NALCN: variants seen among roughly 807,000 people sequenced by gnomAD.
NALCN encodes the protein sodium leak channel, non-selective.
In NALCN, 111 loss-of-function variants were observed where a neutral mutation model predicts 225.3. The observed-to-expected ratio is 0.49, with a 90% CI of 0.42 to 0.58. The LOEUF (loss-of-function observed/expected upper bound fraction) is 0.58, where lower values mean the gene tolerates loss of function less well. NALCN is among the 20% of genes least tolerant of loss of function. NALCN has a pLI of 0.00. For synonymous variants in NALCN, 764 were observed against 769.0 expected (o/e 0.99, Z 0.11); for missense variants, 1,378 against 2,202.4 (o/e 0.63, Z 7.49).
chr13:101,278,768 G>A (rs929066042), intron 10 of NALCN, among the ~76,000 whole-genome samples: 2 of 152,128 alleles, frequency 1.3e-5, no homozygotes, highest in Non-Finnish European at 2.9e-5. Context: ...CCTCTGCGAG[G>A]CACTTTCTGG....
chr13:101,380,611 C>G (rs2046821733), intron 3 of NALCN, among the ~76,000 whole-genome samples: 1 of 152,028 alleles, frequency 6.6e-6, no homozygotes, highest in Non-Finnish European at 1.5e-5. Context: ...AATAAAATGT[C>G]AAGATTTCAA....
rs755963553 is a variant in NALCN at position 101,124,565 on chromosome 13, T to A, written c.2192+43A>T. The A allele has an allele frequency of 1.3e-5, 19 of 1,518,460 alleles. No homozygotes were observed. The Admixed American group carries it at 3.3e-4, about 26-fold the overall frequency. The allele number at this position is 1,518,460 out of a possible 1,614,324, so 94.1% of individuals were successfully genotyped here. A position where few individuals can be genotyped will look rare whatever the true frequency, so the allele number is the denominator to read the frequency against. On this transcript the variant is annotated intron_variant, in intron 18 of 43. Transcript: ENST00000251127. ...AAAAGCTATTTTTCGATTAATATAA[T>A]CCCACTTGTGTTTAAATATGTGTCA... is the stretch of plus-strand genomic sequence containing the variant.
At chr13:101,185,548 A>C (rs2039413725) in intron 14 of NALCN, among the ~76,000 whole-genome samples, 2 of 152,254 alleles carry the variant, frequency 1.3e-5, no homozygotes, top group Admixed American at 1.3e-4. Context: ...AGATGAATTT[A>C]ACAAGCATTC....
intron 26 of NALCN, among the ~76,000 whole-genome samples, chr13:101,102,969 G>A (rs535024072): frequency 6.6e-6 from 1 of 152,278 alleles, no homozygotes. Flanking sequence ...TTCTCTTTAG[G>A]TGAATTAAAT....
intron 17 of NALCN, among the ~76,000 whole-genome samples, chr13:101,129,137 T>C (rs1409771160): frequency 6.6e-6 from 1 of 152,206 alleles, no homozygotes; most frequent in African/African-American, 2.4e-5. Flanking sequence ...CTTTTTCATT[T>C]ATTAGTTGGG....
At chr13:101,182,838 G>C (rs986511137) in intron 14 of NALCN, among the ~76,000 whole-genome samples, 1 of 144,964 alleles carries the variant, frequency 6.9e-6, no homozygotes, top group South Asian at 2.1e-4. Context: ...ATGACTTTGC[G>C]GTTCTTTTCT....
chr13:101,213,017 G>T (rs1339803192), intron 13 of NALCN, among the ~76,000 whole-genome samples: 1 of 152,124 alleles, frequency 6.6e-6, no homozygotes, highest in East Asian at 1.9e-4. Context: ...GAACAAAGCT[G>T]GAGGCATCAC....
chr13:101,105,135 C>T (rs2035029212), intron 22 of NALCN, among the ~76,000 whole-genome samples, 185 bp from the exon 23 acceptor site: 1 of 152,060 alleles, frequency 6.6e-6, no homozygotes, highest in East Asian at 1.9e-4. Flanking sequence ...AAGAAAAAAT[C>T]CAAAGAATTT....
Position 101,226,687 on chromosome 13 carries a change from G to A in NALCN, c.1626+2706C>T, listed in dbSNP as rs191723017. On this transcript the variant is annotated intron_variant, in intron 13 of 43. Transcript: ENST00000251127. ...CAAGGCCTTGCCTGGGAGACCTCCC[G>A]GGGACCACTGCCATCCCCACCCTAG... is the stretch of plus-strand genomic sequence containing the variant. 8.1e-4 allele frequency among the ~76,000 whole-genome samples: 124 copies of A among 152,210 alleles called. 2 individuals carry two copies. In the East Asian group the frequency reaches 0.013, roughly 16 times the overall value.
upstream of NALCN, among the ~76,000 whole-genome samples, chr13:101,416,819 G>A (rs954684072): frequency 6.6e-6 from 1 of 151,874 alleles, no homozygotes; most frequent in African/African-American, 2.4e-5. Context: ...ACGGGAGTCC[G>A]CCGGGCACAC....
At chr13:101,353,824 A>T (rs558572482) in intron 6 of NALCN, among the ~76,000 whole-genome samples, 1 of 152,358 alleles carries the variant, frequency 6.6e-6, no homozygotes, top group African/African-American at 2.4e-5. Context: ...TATTGTGACT[A>T]TGAAATTTAA....
chr13:101,323,622 T>G (rs896693586), intron 7 of NALCN, among the ~76,000 whole-genome samples: 1 of 152,228 alleles, frequency 6.6e-6, no homozygotes, highest in Non-Finnish European at 1.5e-5. Context: ...GACATGTAAA[T>G]CTTATCCTCT....
At chr13:101,109,063 C>T (rs907952274) in intron 20 of NALCN, among the ~76,000 whole-genome samples, 1 of 152,146 alleles carries the variant, frequency 6.6e-6, no homozygotes, top group Non-Finnish European at 1.5e-5. Context: ...TATGTTTAAA[C>T]ACATTATTTT....
At position 101,387,598 on chromosome 13, in the gene NALCN, T is replaced by A. The variant is rs537350101; in HGVS notation, c.291+7585A>T. Among the ~76,000 whole-genome samples, 204 of 152,228 alleles carry A rather than the reference T, an allele frequency of 1.3e-3. 2 individuals are homozygous for A. The highest frequency in any genetic ancestry group is 2.5e-3 in the Non-Finnish European group (169 of 68,014). Reference sequence around the variant, plus strand: ...ATTCTGGGTGAAGGGACTAAAGAATTGAGAGATAACTGCAGTGCTATTGGC... The same window carrying A: ...ATTCTGGGTGAAGGGACTAAAGAATAGAGAGATAACTGCAGTGCTATTGGC... On this transcript the variant is annotated intron_variant, in intron 3 of 43. Transcript: ENST00000251127.
At chr13:101,328,425 C>A (rs1477581858) in intron 7 of NALCN, among the ~76,000 whole-genome samples, 2 of 152,116 alleles carry the variant, frequency 1.3e-5, no homozygotes, top group Admixed American at 6.5e-5. Flanking sequence ...CATCCTCCCA[C>A]CTCAGCCTCC....
intron 42 of NALCN, chr13:101,058,424 G>GTTTTTAATGATGC: frequency 6.1e-6 from 1 of 163,290 alleles, no homozygotes; most frequent in Non-Finnish European, 1.3e-5. Flanking sequence ...GGCTGGGCGG[G>GTTTTTAATGATGC]GGCAGTCTAC....
intron 16 of NALCN, among the ~76,000 whole-genome samples, 168 bp downstream of exon 16, chr13:101,144,592 G>GTTTATTTA (rs959956140): frequency 6.6e-6 from 1 of 152,160 alleles, no homozygotes; most frequent in African/African-American, 2.4e-5. Flanking sequence ...AGTCAAAGTT[G>GTTTATTTA]TTTATTTATT....
At chr13:101,361,306 G>C (rs1369763316) in intron 6 of NALCN, among the ~76,000 whole-genome samples, 11 of 152,128 alleles carry the variant, frequency 7.2e-5, no homozygotes, top group Non-Finnish European at 1.5e-4. Flanking sequence ...CACTATTTGT[G>C]AGGGACAGAA....
At position 101,089,752 on chromosome 13, in the gene NALCN, T is replaced by G; in HGVS notation, c.3400A>C (p.Ile1134Leu). ...IIHRVGPIHG[I>L]YIHVFVFLGC... ...AGGAATACAAAAACATGAATATAGA[T>G]TCCATGGATCTGCATAAAGGAAAAT... The change falls in exon 30 of 44, where the codon ATC becomes CTC. Residue 1134 changes from isoleucine (I) to leucine (L), a missense_variant. By Grantham distance (5) the Ile-to-Leu change is conservative. Around this residue, in one of 19 missense-constraint regions of NALCN, gnomAD observed 292 missense variants for 409.5 expected, o/e 0.71. Transcript: ENST00000251127. The surrounding 1 kb of genome is among the most constrained non-coding windows in gnomAD (Gnocchi z 4.7). The G allele has an allele frequency of 6.2e-7, 1 of 1,613,988 alleles. No homozygotes were observed. The highest frequency in any genetic ancestry group is 8.5e-7 in the Non-Finnish European group (1 of 1,179,890).
Sources: gnomAD v4.1 joint callset for allele counts (sites outside exome capture counted in the v4.1 genomes callset) on GRCh38, gnomAD v4.1.1 for gene constraint, gnomAD v4.1.1 regional missense constraint, Gnocchi (gnomAD v3.1) non-coding constraint, MANE v1.5 for transcripts, NCBI Gene and HGNC (gene_info 2026-07-23, HGNC 2026-07-21) for gene names.